The following SLC35F1 variants were observed in gnomAD, a reference collection of about 807,000 sequenced individuals.
SLC35F1 encodes the protein solute carrier family 35 member F1.
Under a neutral mutation model 48.7 loss-of-function variants are expected in SLC35F1, and 14 were observed. That is an observed-to-expected ratio of 0.29 (90% CI 0.19 to 0.45). The LOEUF (loss-of-function observed/expected upper bound fraction) is 0.45. Among genes scored for constraint, SLC35F1 ranks in the 20% least tolerant of loss-of-function variants. The pLI is 1.00. For synonymous variants in SLC35F1, 190 were observed against 202.2 expected, an observed-to-expected ratio of 0.94 and a Z score of 0.51; for missense variants, 404 against 500.0, an observed-to-expected ratio of 0.81 and a Z score of 1.83.
intron 2 of SLC35F1, among the ~76,000 whole-genome samples, chr6:118,187,256 C>A (rs917548835): frequency 1.3e-5 from 2 of 152,212 alleles, no homozygotes; most frequent in Non-Finnish European, 2.9e-5. Context: ...TCAAATGGAG[C>A]ACTCACATTT....
intron 1 of SLC35F1, among the ~76,000 whole-genome samples, chr6:118,031,439 G>A (rs1310432151): frequency 2.0e-5 from 3 of 152,192 alleles, no homozygotes; most frequent in Admixed American, 2.0e-4. Context: ...CCTGCTGGAA[G>A]TTCTACTGCA....
At chr6:118,231,494 A>G (rs1775292571) in intron 2 of SLC35F1, among the ~76,000 whole-genome samples, 1 of 152,236 alleles carries the variant, frequency 6.6e-6, no homozygotes, top group Non-Finnish European at 1.5e-5. Flanking sequence ...AGTCATGTAG[A>G]TAAATCCCCA....
At chr6:118,017,329 C>T (rs1256022458) in intron 1 of SLC35F1, among the ~76,000 whole-genome samples, 1 of 146,570 alleles carries the variant, frequency 6.8e-6, no homozygotes, top group African/African-American at 2.5e-5. Context: ...TTTCCCAAGA[C>T]AGGAAAACTT....
intron 1 of SLC35F1, 145 bp downstream of exon 1, chr6:117,908,044 C>T (rs918872677): frequency 3.8e-5 from 32 of 835,354 alleles, no homozygotes; most frequent in East Asian, 3.2e-4. Context: ...CGACGACGCG[C>T]TCCGCGGGCG....
chr6:117,990,825 G>T (rs951734995), intron 1 of SLC35F1, among the ~76,000 whole-genome samples: 2 of 152,070 alleles, frequency 1.3e-5, no homozygotes, highest in African/African-American at 4.8e-5. Flanking sequence ...CAGCTGGGGT[G>T]GCTGGTTTCT....
intron 1 of SLC35F1, among the ~76,000 whole-genome samples, chr6:118,100,132 C>T (rs374195277): frequency 2.6e-5 from 4 of 152,080 alleles, no homozygotes; most frequent in African/African-American, 9.7e-5. Flanking sequence ...TGCTCTAGGT[C>T]ACATGAGCTA....
intron 2 of SLC35F1, among the ~76,000 whole-genome samples, chr6:118,163,827 A>G (rs1027658427): frequency 9.2e-5 from 14 of 152,254 alleles, no homozygotes; most frequent in African/African-American, 3.4e-4. Flanking sequence ...TTTCTCATGA[A>G]AAAAGAATCA....
chr6:117,959,350 G>T (rs150792016), intron 1 of SLC35F1, among the ~76,000 whole-genome samples: 1 of 152,266 alleles, frequency 6.6e-6, no homozygotes, highest in East Asian at 1.9e-4. Flanking sequence ...TGAGAGTTGA[G>T]TACCCTCCTT....
intron 1 of SLC35F1, among the ~76,000 whole-genome samples, chr6:118,005,842 C>T (rs903264056): frequency 1.8e-4 from 28 of 152,176 alleles, no homozygotes; most frequent in African/African-American, 6.8e-4. Flanking sequence ...TATGAATCCT[C>T]CTCTGTGCCT....
chr6:118,139,597 A>G (rs929671887), intron 1 of SLC35F1, among the ~76,000 whole-genome samples: 2 of 152,292 alleles, frequency 1.3e-5, no homozygotes, highest in Middle Eastern at 3.4e-3. Context: ...AAGTCAGTCT[A>G]TCTTTTGGGT....
intron 1 of SLC35F1, among the ~76,000 whole-genome samples, chr6:118,113,397 TAATGATGTGTC>T (rs1773436105): frequency 1.3e-5 from 2 of 152,106 alleles, no homozygotes; most frequent in Non-Finnish European, 2.9e-5. Context: ...CTTTGGGCAA[TAATGATGTGTC>T]AATGTAGGTT....
chr6:118,095,481 T>G (rs1396337506), intron 1 of SLC35F1, among the ~76,000 whole-genome samples: 1 of 152,190 alleles, frequency 6.6e-6, no homozygotes, highest in Non-Finnish European at 1.5e-5. Context: ...GGATTTTTTT[T>G]TCCTTTTTCT....
chr6:118,305,225 A>C (rs74353573), intron 7 of SLC35F1, among the ~76,000 whole-genome samples: 1,996 of 151,604 alleles, frequency 0.013, 53 homozygotes, highest in African/African-American at 0.045. Context: ...GGCAATCTGG[A>C]GGTACAGTTT....
At chr6:118,100,391 G>A (rs1773239684) in intron 1 of SLC35F1, among the ~76,000 whole-genome samples, 1 of 152,048 alleles carries the variant, frequency 6.6e-6, no homozygotes, top group Admixed American at 6.6e-5. Flanking sequence ...CAAGTTGAGA[G>A]GTCTCCAAGG....
chr6:118,240,440 C>A (rs1175213045), intron 3 of SLC35F1, among the ~76,000 whole-genome samples: 1 of 152,204 alleles, frequency 6.6e-6, no homozygotes, highest in Non-Finnish European at 1.5e-5. Context: ...CAATTATTTT[C>A]ATCTGATTAA....
At chr6:118,143,515 T>C (rs939199711) in intron 1 of SLC35F1, among the ~76,000 whole-genome samples, 11 of 152,222 alleles carry the variant, frequency 7.2e-5, no homozygotes, top group Non-Finnish European at 1.5e-4. Flanking sequence ...ATTTCTTTTT[T>C]GTTTTCCTTC....
intron 1 of SLC35F1, chr6:117,999,359 G>C: frequency 6.3e-7 from 1 of 1,591,932 alleles, no homozygotes; most frequent in South Asian, 1.1e-5. Flanking sequence ...CAAGGCCAAG[G>C]ATCAAACCAA....
chr6:118,246,397 T>G (rs1775507632), intron 3 of SLC35F1, among the ~76,000 whole-genome samples: 1 of 152,190 alleles, frequency 6.6e-6, no homozygotes, highest in Non-Finnish European at 1.5e-5. Flanking sequence ...ATGCCTATTT[T>G]GCTGGAAGAT....
intron 1 of SLC35F1, among the ~76,000 whole-genome samples, chr6:118,145,817 A>G (rs1487123051): frequency 6.6e-6 from 1 of 152,218 alleles, no homozygotes; most frequent in Non-Finnish European, 1.5e-5. Context: ...CATTACTTTA[A>G]AAAATTTTCA....
Sources: gnomAD v4.1 joint callset for allele counts (sites outside exome capture counted in the v4.1 genomes callset) on GRCh38, gnomAD v4.1.1 for gene constraint, MANE v1.5 for transcripts, NCBI Gene and HGNC (gene_info 2026-07-23, HGNC 2026-07-21) for gene names.